LRRC7: variants seen among roughly 807,000 people sequenced by gnomAD.
The protein encoded by LRRC7 is leucine-rich repeat-containing protein 7.
A neutral mutation model predicts 175.7 loss-of-function variants in LRRC7; 23 were observed. That is an observed-to-expected ratio of 0.13 (90% CI 0.09 to 0.19). The LOEUF (loss-of-function observed/expected upper bound fraction) is 0.19, where lower values mean the gene tolerates loss of function less well. Among genes scored for constraint, LRRC7 ranks in the 10% least tolerant of loss-of-function variants. LRRC7 has a pLI of 1.00. For missense variants in LRRC7, 1,354 were observed against 1,904.7 expected (o/e 0.71, Z 5.38); for synonymous variants, 685 against 680.9 (o/e 1.01, Z -0.09).
chr1:69,832,931 CCT>C (rs1680689064), intron 5 of LRRC7, among the ~76,000 whole-genome samples: 1 of 152,024 alleles, frequency 6.6e-6, no homozygotes, highest in African/African-American at 2.4e-5. Context: ...ATGGCGAAAC[CCT>C]GTCTCAACTA....
intron 21 of LRRC7, among the ~76,000 whole-genome samples, chr1:70,040,717 G>A (rs1277963859): frequency 2.0e-5 from 3 of 152,158 alleles, no homozygotes; most frequent in Non-Finnish European, 4.4e-5. Context: ...GGGAGGCTGA[G>A]GCAGGAGAAT....
chr1:69,717,852 AG>A (rs148009132), intron 2 of LRRC7, among the ~76,000 whole-genome samples: 999 of 24,942 alleles, frequency 0.04, 35 homozygotes, highest in East Asian at 0.16. Context: ...AAAGAAAGAA[AG>A]GAAAGAAAGA....
rs917485573 is a variant in LRRC7 at position 70,129,950 on chromosome 1, A to T, written c.*8063A>T. Among the ~76,000 whole-genome samples, 1 of 152,062 alleles carries T rather than the reference A, an allele frequency of 6.6e-6. No individual in the cohort carries two copies. The highest frequency in any genetic ancestry group is 2.4e-5 in the African/African-American group (1 of 41,400). On this transcript the variant is annotated 3_prime_UTR_variant, in exon 27 of 27. Transcript: ENST00000651989. Reference sequence around the variant, plus strand: ...GTTTTATATTTCAGCTTTTGCCCACACTATCCCTCTACTGGAATGCCTTCC... The same window carrying T: ...GTTTTATATTTCAGCTTTTGCCCACTCTATCCCTCTACTGGAATGCCTTCC...
At chr1:69,770,739 T>C (rs976091699) in intron 3 of LRRC7, among the ~76,000 whole-genome samples, 4 of 152,188 alleles carry the variant, frequency 2.6e-5, no homozygotes, top group Non-Finnish European at 5.9e-5. Context: ...CCTTAAGGGT[T>C]TGTCTTTCAT....
intron 11 of LRRC7, among the ~76,000 whole-genome samples, chr1:70,008,565 A>G (rs1182495955): frequency 6.6e-6 from 1 of 152,188 alleles, no homozygotes; most frequent in Non-Finnish European, 1.5e-5. Flanking sequence ...TGAATACCCT[A>G]TTCAAAAGTC....
At chr1:69,977,866 A>G (rs548790469) in intron 8 of LRRC7, among the ~76,000 whole-genome samples, 1 of 152,336 alleles carries the variant, frequency 6.6e-6, no homozygotes, top group African/African-American at 2.4e-5. Context: ...TTCAGGGTTA[A>G]TTTGTTAAAA....
At chr1:69,954,915 CA>C (rs1343369015) in intron 8 of LRRC7, among the ~76,000 whole-genome samples, 1 of 151,964 alleles carries the variant, frequency 6.6e-6, no homozygotes, top group African/African-American at 2.4e-5. Flanking sequence ...AAGCTATACA[CA>C]AGATGTTAAT....
At chr1:69,782,584 C>T (rs1673893960) in intron 3 of LRRC7, among the ~76,000 whole-genome samples, 2 of 152,090 alleles carry the variant, frequency 1.3e-5, no homozygotes, top group South Asian at 4.2e-4. Context: ...TAATGCAGGA[C>T]AGCAGAGGAG....
chr1:70,047,381 C>A (rs1660408757), intron 22 of LRRC7, among the ~76,000 whole-genome samples: 1 of 152,090 alleles, frequency 6.6e-6, no homozygotes, highest in South Asian at 2.1e-4. Context: ...TCCATTTGTG[C>A]AGGTGCTGCT....
intron 8 of LRRC7, among the ~76,000 whole-genome samples, chr1:69,964,064 T>C (rs1269921848): frequency 6.6e-6 from 1 of 152,228 alleles, no homozygotes; most frequent in African/African-American, 2.4e-5. Context: ...TTCCCCAGAA[T>C]ACTCCTTTAC....
intron 1 of LRRC7, among the ~76,000 whole-genome samples, chr1:69,670,302 A>C (rs150110811): frequency 6.6e-6 from 1 of 152,346 alleles, no homozygotes; most frequent in East Asian, 1.9e-4. Context: ...CCCGAAGTTC[A>C]TTAATGCTGT....
At chr1:69,832,452 G>T (rs1397599119) in intron 5 of LRRC7, among the ~76,000 whole-genome samples, 12 of 151,934 alleles carry the variant, frequency 7.9e-5, no homozygotes, top group African/African-American at 2.4e-4. Context: ...CTCTGGTTGG[G>T]GCACCAGTAG....
At chr1:69,753,734 T>G (rs1207558510) in intron 2 of LRRC7, among the ~76,000 whole-genome samples, 1 of 152,038 alleles carries the variant, frequency 6.6e-6, no homozygotes. Flanking sequence ...TACATATTTT[T>G]GAACAGTCTA....
intron 24 of LRRC7, among the ~76,000 whole-genome samples, chr1:70,086,453 C>T (rs1487800842): frequency 2.0e-5 from 3 of 152,134 alleles, no homozygotes; most frequent in Non-Finnish European, 4.4e-5. Flanking sequence ...ATGTTTTCGG[C>T]CAAACCATTC....
chr1:70,049,370 T>C (rs1453624105), intron 22 of LRRC7, among the ~76,000 whole-genome samples: 1 of 152,136 alleles, frequency 6.6e-6, no homozygotes, highest in Non-Finnish European at 1.5e-5. Context: ...CAACATTTGG[T>C]ATGCATTTAT....
intron 2 of LRRC7, among the ~76,000 whole-genome samples, chr1:69,740,545 G>A (rs1225129079): frequency 6.6e-6 from 1 of 152,110 alleles, no homozygotes; most frequent in Non-Finnish European, 1.5e-5. Flanking sequence ...GTACAGCCAA[G>A]TGGTAGAAGA....
At chr1:70,086,027 C>T (rs1346730765) in intron 24 of LRRC7, among the ~76,000 whole-genome samples, 1 of 152,070 alleles carries the variant, frequency 6.6e-6, no homozygotes, top group Non-Finnish European at 1.5e-5. Context: ...ACTGACATTC[C>T]TTCTAAAACT....
chr1:69,924,666 C>A (rs1647003795), intron 7 of LRRC7, among the ~76,000 whole-genome samples: 1 of 152,242 alleles, frequency 6.6e-6, no homozygotes, highest in South Asian at 2.1e-4. Context: ...TGAGACTTTG[C>A]TGAAGTTGCT....
intron 24 of LRRC7, among the ~76,000 whole-genome samples, chr1:70,080,001 GT>G (rs1287731969): frequency 3.9e-5 from 6 of 152,116 alleles, no homozygotes; most frequent in African/African-American, 1.2e-4. Context: ...TTTAAGTCAG[GT>G]TTTTTTCTGA....
Sources: allele counts gnomAD v4.1 joint callset (sites outside exome capture counted in the v4.1 genomes callset), GRCh38; gene constraint gnomAD v4.1.1; transcripts MANE v1.5; gene names NCBI Gene and HGNC (gene_info 2026-07-23, HGNC 2026-07-21).